HMBOX1: variants seen among roughly 807,000 people sequenced by gnomAD.
HMBOX1 encodes homeobox-containing protein 1.
Under a neutral mutation model 54.5 loss-of-function variants are expected in HMBOX1, and 14 were observed. The observed-to-expected ratio is 0.26, with a 90% CI of 0.17 to 0.40. The LOEUF is 0.40. Ranked by LOEUF, HMBOX1 falls within the 10% of genes least tolerant of loss-of-function variation. The pLI, the probability that HMBOX1 is intolerant of heterozygous loss-of-function variation, is 1.00. For missense variants in HMBOX1, 332 were observed against 514.4 expected (o/e 0.65, Z 3.43); for synonymous variants, 160 against 181.0 (o/e 0.88, Z 0.93).
intron 4 of HMBOX1, among the ~76,000 whole-genome samples, chr8:28,996,431 G>C (rs1221027817): frequency 1.3e-5 from 2 of 151,920 alleles, no homozygotes; most frequent in Non-Finnish European, 2.9e-5. Context: ...TCACATTCTT[G>C]GCTAACGTGA....
At chr8:28,926,745 C>G (rs542632773) in intron 1 of HMBOX1, among the ~76,000 whole-genome samples, 1 of 152,186 alleles carries the variant, frequency 6.6e-6, no homozygotes, top group South Asian at 2.1e-4. Context: ...TTTAAAAAAA[C>G]TTTTTGTAGA....
chr8:29,005,713 A>G (rs1038055691), intron 4 of HMBOX1, among the ~76,000 whole-genome samples: 5 of 152,204 alleles, frequency 3.3e-5, no homozygotes, highest in Non-Finnish European at 5.9e-5. Context: ...TCCTCATTCT[A>G]ACTCCCAGGC....
At chr8:29,044,199 G>C (rs969904544) in intron 6 of HMBOX1, among the ~76,000 whole-genome samples, 3 of 152,164 alleles carry the variant, frequency 2.0e-5, no homozygotes, top group Non-Finnish European at 4.4e-5. Flanking sequence ...ATTCACAATA[G>C]GATGGCATTT....
At chr8:29,040,613 T>G (rs949295882) in intron 6 of HMBOX1, among the ~76,000 whole-genome samples, 2 of 152,184 alleles carry the variant, frequency 1.3e-5, no homozygotes, top group African/African-American at 4.8e-5. Context: ...AGTAGCATGT[T>G]TCAATGACAA....
At chr8:28,933,219 A>T (rs1444835345) in intron 1 of HMBOX1, among the ~76,000 whole-genome samples, 1 of 152,102 alleles carries the variant, frequency 6.6e-6, no homozygotes, top group Non-Finnish European at 1.5e-5. Context: ...CTCTCCCTAA[A>T]TACCAAAAAA....
chr8:28,967,935 G>A (rs574147401), intron 2 of HMBOX1, among the ~76,000 whole-genome samples: 10 of 152,296 alleles, frequency 6.6e-5, no homozygotes, highest in African/African-American at 2.4e-4. Flanking sequence ...CAGAATGTGT[G>A]TGTTTGGTTT....
At chr8:28,963,370 C>T (rs1318878692) in intron 1 of HMBOX1, among the ~76,000 whole-genome samples, 4 of 152,198 alleles carry the variant, frequency 2.6e-5, no homozygotes, top group Non-Finnish European at 4.4e-5. Flanking sequence ...AGGTTTCTAA[C>T]TTTACCTTGT....
At chr8:28,919,393 G>T (rs998587800) in intron 1 of HMBOX1, among the ~76,000 whole-genome samples, 8 of 152,122 alleles carry the variant, frequency 5.3e-5, no homozygotes, top group African/African-American at 1.4e-4. Flanking sequence ...AATTTTGACT[G>T]CATAAAATGA....
At chr8:28,991,221 T>C (rs1830937112) in intron 4 of HMBOX1, among the ~76,000 whole-genome samples, 1 of 152,222 alleles carries the variant, frequency 6.6e-6, no homozygotes, top group Non-Finnish European at 1.5e-5. Context: ...TAGAGATTAT[T>C]AGGTCCTTAA....
chr8:28,970,023 T>G lies in HMBOX1; in HGVS notation c.24-20T>G. 1 of 1,453,752 alleles carries G rather than the reference T, an allele frequency of 6.9e-7. No individual in the cohort carries two copies. Among genetic ancestry groups the G allele is most frequent in the Non-Finnish European group, 9.6e-7 (1 of 1,043,398 alleles). The allele number at this position is 1,453,752 out of a possible 1,614,324, so 90.1% of individuals were successfully genotyped here. A position where few individuals can be genotyped will look rare whatever the true frequency, so the allele number is the denominator to read the frequency against. ...AGATACTGTCAATAAAGAGACTTCTTTTTATCTCTTTTTTTTTAGTTTGCT... is the reference window on the plus strand; with the variant it reads ...AGATACTGTCAATAAAGAGACTTCTGTTTATCTCTTTTTTTTTAGTTTGCT... On this transcript the variant is annotated intron_variant, in intron 2 of 9. Transcript: ENST00000287701. The surrounding 1 kb of genome is among the most constrained non-coding windows in gnomAD (Gnocchi z 4.3).
intron 1 of HMBOX1, among the ~76,000 whole-genome samples, chr8:28,957,812 G>A (rs753308548): frequency 1.3e-4 from 20 of 151,900 alleles, no homozygotes; most frequent in African/African-American, 2.4e-4. Flanking sequence ...TAGTATAGAC[G>A]AGGTTTCACC....
intron 1 of HMBOX1, among the ~76,000 whole-genome samples, chr8:28,948,460 T>C (rs969570005): frequency 2.0e-5 from 3 of 152,330 alleles, no homozygotes; most frequent in Middle Eastern, 6.8e-3. Context: ...AAAGATGATA[T>C]TCTGTGAAAA....
intron 1 of HMBOX1, among the ~76,000 whole-genome samples, chr8:28,922,304 A>G (rs1476962658): frequency 2.6e-5 from 4 of 152,172 alleles, no homozygotes; most frequent in African/African-American, 9.7e-5. Flanking sequence ...TGCAAATGCT[A>G]CGCTATTTTA....
intron 1 of HMBOX1, among the ~76,000 whole-genome samples, chr8:28,948,190 T>C (rs1822817389): frequency 6.6e-6 from 1 of 152,236 alleles, no homozygotes; most frequent in African/African-American, 2.4e-5. Context: ...ACTGTCTCTA[T>C]CTTCTTTCCC....
intron 1 of HMBOX1, among the ~76,000 whole-genome samples, chr8:28,920,389 A>G (rs1465689320): frequency 6.6e-6 from 1 of 152,190 alleles, no homozygotes; most frequent in Non-Finnish European, 1.5e-5. Context: ...TTAAAACCCT[A>G]GGCAGTATTT....
chr8:28,992,374 G>T (rs1205262921), intron 4 of HMBOX1, among the ~76,000 whole-genome samples: 1 of 152,086 alleles, frequency 6.6e-6, no homozygotes, highest in Admixed American at 6.5e-5. Flanking sequence ...CATTATAATT[G>T]CTTAATTTTC....
At chr8:28,926,304 T>TATATATACACACACAC (rs796953426) in intron 1 of HMBOX1, among the ~76,000 whole-genome samples, 496 of 142,164 alleles carry the variant, frequency 3.5e-3, no homozygotes, top group African/African-American at 0.013. Context: ...TATATATATA[T>TATATATACACACACAC]ACACACACAC....
chr8:28,943,946 G>A (rs940527012), intron 1 of HMBOX1, among the ~76,000 whole-genome samples: 6 of 151,914 alleles, frequency 3.9e-5, no homozygotes, highest in South Asian at 2.1e-4. Context: ...GTCAAAATAC[G>A]TCCACAGGAT....
At chr8:28,958,025 T>G (rs566399587) in intron 1 of HMBOX1, among the ~76,000 whole-genome samples, 1 of 152,350 alleles carries the variant, frequency 6.6e-6, no homozygotes, top group East Asian at 1.9e-4. Context: ...AATGAAAATC[T>G]CTTTCCCATT....
Sources: allele counts gnomAD v4.1 joint callset (sites outside exome capture counted in the v4.1 genomes callset), GRCh38; gene constraint gnomAD v4.1.1; non-coding constraint Gnocchi (gnomAD v3.1); transcripts MANE v1.5; gene names NCBI Gene and HGNC (gene_info 2026-07-23, HGNC 2026-07-21).